Variants in DHX33 observed in about 807,000 individuals in gnomAD.
DHX33 encodes DEAH-box helicase 33.
DHX33 carries 42 observed loss-of-function variants against 72.5 expected under a neutral mutation model. The observed-to-expected ratio is 0.58, with a 90% confidence interval of 0.45 to 0.75. The LOEUF is 0.75. Ranked by LOEUF, DHX33 falls within the 30% of genes least tolerant of loss-of-function variation. DHX33 has a pLI of 0.00. For missense variants in DHX33, 842 were observed against 917.5 expected (o/e 0.92, Z 1.06); for synonymous variants, 358 against 366.1 (o/e 0.98, Z 0.25).
intron 6 of DHX33, among the ~76,000 whole-genome samples, 197 bp downstream of exon 6, chr17:5,454,963 T>C (rs1273460793): frequency 1.3e-5 from 2 of 152,198 alleles, no homozygotes; most frequent in African/African-American, 4.8e-5. Flanking sequence ...TCTTCTTTCC[T>C]GCCTCTACTT....
In DHX33 at chr17:5,468,704, C is replaced by T. The variant is rs749273580; in HGVS notation, c.156G>A (p.Gln52=). ...GRGGGGGRRQ[Q]PPLAQPSASP... is the part of the protein sequence containing the mutation. ...TGGCCGAGGGCTGGGCCAGGGGCGG[C>T]TGCTGCCTCCGGCCTCCTCCTCCTC... The change falls in exon 1 of 12, where the codon CAG becomes CAA. Residue 52 remains glutamine, a synonymous_variant. Coordinates refer to ENST00000225296, the MANE Select transcript of DHX33 (RefSeq NM_020162.4). The T allele has an allele frequency of 6.2e-7, 1 of 1,611,292 alleles. No individual in the cohort carries two copies. The highest frequency in any genetic ancestry group is 1.7e-5 in the Admixed American group (1 of 59,934).
Position 5,442,474 on chromosome 17 carries a change from T to A in DHX33, c.*1731A>T, listed in dbSNP as rs1248496517. 6.6e-6 allele frequency: 1 copy of A among 152,154 alleles called. No homozygotes were observed. The highest frequency in any genetic ancestry group is 6.5e-5 in the Admixed American group (1 of 15,276). 9.4% of individuals were successfully genotyped at this position (152,154 alleles called of 1,614,324 possible). A position where few individuals can be genotyped will look rare whatever the true frequency, so the allele number is the denominator to read the frequency against. On this transcript the variant is annotated 3_prime_UTR_variant, in exon 12 of 12. Coordinates refer to ENST00000225296, the MANE Select transcript of DHX33 (RefSeq NM_020162.4). ...AGTAAGATAAGGTATATAGGAGCTG[T>A]CAGATCTTCTTTTGCCCACGTATAA...
chr17:5,464,000 G>T (rs1904759673), intron 1 of DHX33, among the ~76,000 whole-genome samples: 1 of 152,066 alleles, frequency 6.6e-6, no homozygotes, highest in Non-Finnish European at 1.5e-5. Flanking sequence ...CTGGGAGATA[G>T]TGTGAGACAC....
intron 6 of DHX33, 100 bp downstream of exon 6, chr17:5,455,060 A>G: frequency 2.8e-6 from 3 of 1,070,786 alleles, no homozygotes; most frequent in Non-Finnish European, 4.2e-6. Context: ...TGAATTTGTT[A>G]GTTACAAACA....
At chr17:5,453,461 C>A in intron 8 of DHX33, 119 bp downstream of exon 8, 1 of 775,302 alleles carries the variant, frequency 1.3e-6, no homozygotes. Flanking sequence ...CTAATGTTGT[C>A]ATCCACAAAA....
chr17:5,449,371 A>G (rs1426466424), intron 10 of DHX33, among the ~76,000 whole-genome samples: 1 of 152,194 alleles, frequency 6.6e-6, no homozygotes, highest in Non-Finnish European at 1.5e-5. Flanking sequence ...AAAATGGACA[A>G]AGGATATGAA....
intron 6 of DHX33, 36 bp downstream of exon 6, chr17:5,455,124 A>C: frequency 6.4e-7 from 1 of 1,556,630 alleles, no homozygotes; most frequent in Non-Finnish European, 8.9e-7. Flanking sequence ...TGCTCACTAG[A>C]CACAGGAGAG....
chr17:5,462,466 A>G lies in DHX33; in HGVS notation c.531T>C (p.Arg177=), dbSNP rs578258776. The G allele has an allele frequency of 6.2e-7, 1 of 1,614,192 alleles. No individual in the cohort carries two copies. Among genetic ancestry groups the G allele is most frequent in the African/African-American group, 1.3e-5 (1 of 75,078 alleles). ...GAAGCAAAGAGTCTGAAATTGCTTC[A>G]CGCAGAAGCATGCCATCTGTCAGAA... ...IKFLTDGMLL[R]EAISDSLLRK... The change falls in exon 3 of 12, where the codon CGT becomes CGC. Residue 177 remains arginine, a synonymous_variant. Coordinates refer to ENST00000225296, the MANE Select transcript of DHX33 (RefSeq NM_020162.4).
rs144497363 is a variant in DHX33, at chr17:5,450,307, G to A, written c.1624C>T (p.Arg542Ter). 7 of 1,614,020 alleles carry A rather than the reference G, an allele frequency of 4.3e-6. No individual in the cohort carries two copies. The highest frequency in any genetic ancestry group is 5.9e-6 in the Non-Finnish European group (7 of 1,180,038). ...TTGCGGACCCCTTGCACTTCCTCTCGCCGGGAAGGAGGGTTGTGGAGGACG... is the reference window on the plus strand; with the variant it reads ...TTGCGGACCCCTTGCACTTCCTCTCACCGGGAAGGAGGGTTGTGGAGGACG... Reference protein sequence around the residue: ...DSVLHNPPSRREEVQGVRKKF... With the variant: ...DSVLHNPPSR The change falls in exon 10 of 12, where the codon CGA (arginine) becomes TGA (stop). Residue 542 changes from arginine to a stop codon, truncating the protein, a stop_gained. Transcript: ENST00000225296. LOFTEE classifies it high-confidence loss of function.
Position 5,468,903 on chromosome 17 carries a change from C to T in DHX33, c.-44G>A, listed in dbSNP as rs767716278. On this transcript the variant is annotated 5_prime_UTR_variant, in exon 1 of 12. Transcript: ENST00000225296. The stretch of plus-strand genomic sequence containing the variant: ...CGGGAGGCGCAAGCGCCGAGAGCTC[C>T]TGCCCCCTCTCAGGTGCAGACAACA... The T allele has an allele frequency of 1.3e-6, 2 of 1,547,160 alleles. 1 individual carries two copies. Among genetic ancestry groups the T allele is most frequent in the South Asian group, 2.4e-5 (2 of 83,964 alleles).
chr17:5,461,028 G>A lies in DHX33; in HGVS notation c.760C>T (p.Arg254Trp). Residue 254 changes from arginine to tryptophan, a missense_variant, in exon 4 of 12, where the codon CGG becomes TGG. Coordinates refer to ENST00000225296, the MANE Select transcript of DHX33 (RefSeq NM_020162.4). ...TAAAACACCTGGATCGGATGCTGCC[G>A]ACCCTCTAGGTAGAGGACGGGGGCG... is the stretch of plus-strand genomic sequence containing the variant. ...NGAPVLYLEG[R>W]QHPIQVFYTK... 2 of 1,613,960 alleles carry A rather than the reference G, an allele frequency of 1.2e-6. No individual in the cohort carries two copies. Among genetic ancestry groups the A allele is most frequent in the East Asian group, 2.2e-5 (1 of 44,876 alleles).
At position 5,444,567 on chromosome 17, in the gene DHX33, A is replaced by T; in HGVS notation, c.1816-54T>A. The T allele has an allele frequency of 6.4e-7, 1 of 1,553,336 alleles. No homozygotes were observed. The highest frequency in any genetic ancestry group is 8.7e-7 in the Non-Finnish European group (1 of 1,146,022). On this transcript the variant is annotated intron_variant, in intron 11 of 11. Coordinates refer to ENST00000225296, the MANE Select transcript of DHX33 (RefSeq NM_020162.4). This position sits in a 1 kb window ranked among gnomAD's most constrained non-coding sequence, Gnocchi z 4.9. ...CCGACCCCACACGTAAACACTGGTC[A>T]GCACTACACAGCGTGTTGGGGCAAC...
At chr17:5,462,980 G>A (rs1215636052) in intron 2 of DHX33, among the ~76,000 whole-genome samples, 2 of 152,112 alleles carry the variant, frequency 1.3e-5, no homozygotes, top group Admixed American at 1.3e-4. Flanking sequence ...TACTCGGGAG[G>A]CTGAGGCAGG....
chr17:5,455,072 G>C (rs1917128578), intron 6 of DHX33, 88 bp downstream of exon 6: 6 of 1,216,502 alleles, frequency 4.9e-6, no homozygotes, highest in Non-Finnish European at 7.2e-6. Context: ...TTACAAACAT[G>C]AAACACTCAG....
chr17:5,460,891 C>A, intron 4 of DHX33, 48 bp downstream of exon 4: 1 of 1,573,162 alleles, frequency 6.4e-7, no homozygotes, highest in East Asian at 2.3e-5. Context: ...TCACTACCAA[C>A]TGCAAGATAA....
chr17:5,452,395 C>T (rs1032133548), intron 8 of DHX33, among the ~76,000 whole-genome samples: 1 of 152,138 alleles, frequency 6.6e-6, no homozygotes, highest in Non-Finnish European at 1.5e-5. Flanking sequence ...CAAAAATTAG[C>T]CGGGCATGGT....
intron 5 of DHX33, 94 bp downstream of exon 5, chr17:5,455,902 CA>C: frequency 7.3e-7 from 1 of 1,365,710 alleles, no homozygotes; most frequent in South Asian, 1.4e-5. Context: ...CCATCCCATA[CA>C]CCTTATCTGG....
intron 8 of DHX33, among the ~76,000 whole-genome samples, chr17:5,451,762 G>A (rs1297525004): frequency 1.3e-5 from 2 of 152,106 alleles, no homozygotes; most frequent in African/African-American, 4.8e-5. Context: ...TCTGTAAAAT[G>A]TATTAAATGA....
intron 1 of DHX33, among the ~76,000 whole-genome samples, chr17:5,466,132 G>A (rs183563954): frequency 5.3e-5 from 8 of 152,262 alleles, no homozygotes; most frequent in African/African-American, 1.7e-4. Flanking sequence ...ACTTCAGGAT[G>A]GAGCAAAAGT....
Sources: gnomAD v4.1 joint callset for allele counts (sites outside exome capture counted in the v4.1 genomes callset) on GRCh38, gnomAD v4.1.1 for gene constraint, Gnocchi (gnomAD v3.1) non-coding constraint, MANE v1.5 for transcripts, NCBI Gene and HGNC (gene_info 2026-07-23, HGNC 2026-07-21) for gene names.